The following VIT variants were observed in gnomAD, a reference collection of about 807,000 sequenced individuals.
VIT encodes the protein vitrin.
In VIT, 99 loss-of-function variants were observed where a neutral mutation model predicts 78.0. The ratio of observed to expected loss-of-function variants is 1.27; its 90% CI spans 1.08 to 1.50. The LOEUF (loss-of-function observed/expected upper bound fraction) is 1.50. VIT is among the 40% of genes most tolerant of loss of function. The pLI is 0.00. For missense variants in VIT, 1,126 were observed against 875.3 expected (o/e 1.29, Z -3.61); for synonymous variants, 374 against 334.3 (o/e 1.12, Z -1.29).
At chr2:36,765,031 C>T (rs934573299) in intron 6 of VIT, among the ~76,000 whole-genome samples, 1 of 151,966 alleles carries the variant, frequency 6.6e-6, no homozygotes, top group African/African-American at 2.4e-5. Flanking sequence ...TGAAAAACAC[C>T]CTGGAAAAGA....
In VIT at chr2:36,814,322, G is replaced by T. The variant is rs1667412034; in HGVS notation, c.2043G>T (p.Gln681His). ...NLHQYVPRII[Q>H]NICTEFNSQP... The stretch of plus-strand genomic sequence containing the variant: ...ATCAGTATGTCCCCAGGATCATCCA[G>T]AACATTTGTACAGAGTTCAACTCAC... Residue 681 changes from glutamine (Q) to histidine (H), a missense_variant, in exon 16 of 16, where the codon CAG (glutamine) becomes CAT (histidine). Gln to His is a conservative substitution (Grantham distance 24, BLOSUM62 0). Transcript: ENST00000379242. 7 of 1,614,106 alleles carry T rather than the reference G, an allele frequency of 4.3e-6. No individual in the cohort carries two copies. Among genetic ancestry groups the T allele is most frequent in the Non-Finnish European group, 5.9e-6 (7 of 1,180,058 alleles).
At chr2:36,772,100 T>C (rs1187219881) in intron 7 of VIT, among the ~76,000 whole-genome samples, 1 of 152,158 alleles carries the variant, frequency 6.6e-6, no homozygotes, top group Non-Finnish European at 1.5e-5. Flanking sequence ...TCTGCATAAT[T>C]AAACAGAAAA....
At chr2:36,710,725 T>C (rs1665750915) in intron 1 of VIT, among the ~76,000 whole-genome samples, 2 of 152,260 alleles carry the variant, frequency 1.3e-5, no homozygotes, top group African/African-American at 4.8e-5. Context: ...TATTGTTTTA[T>C]GTATCAATCG....
At chr2:36,807,026 C>T (rs1340714161) in intron 14 of VIT, among the ~76,000 whole-genome samples, 1 of 152,184 alleles carries the variant, frequency 6.6e-6, no homozygotes, top group Non-Finnish European at 1.5e-5. Flanking sequence ...TGACCACACA[C>T]CCATCCCAGA....
At chr2:36,786,901 T>A (rs1665134375) in intron 11 of VIT, among the ~76,000 whole-genome samples, 1 of 152,180 alleles carries the variant, frequency 6.6e-6, no homozygotes, top group Non-Finnish European at 1.5e-5. Context: ...GGCAGATACA[T>A]AGAGTTTTAA....
rs971602400 is a variant in VIT at position 36,756,125 on chromosome 2, T to C, written c.409+1071T>C. Among the ~76,000 whole-genome samples, 10 of 151,984 alleles carry C rather than the reference T, an allele frequency of 6.6e-5. No homozygotes were observed. The East Asian group carries it at 1.9e-3, about 29-fold the overall frequency. ...GGCATGTGCCACCATGCCCGGCTAA[T>C]TTTTGTATTTTTAGTGCAGACGGGG... On this transcript the variant is annotated intron_variant, in intron 5 of 15. Transcript: ENST00000379242.
At chr2:36,696,998 G>C (rs902915210) in intron 1 of VIT, 25 bp downstream of exon 1, 2 of 152,146 alleles carry the variant, frequency 1.3e-5, no homozygotes, top group African/African-American at 4.8e-5. Context: ...TTTCTAAGCT[G>C]TGTATATAGT....
chr2:36,726,977 A>C (rs1455876819), intron 2 of VIT, among the ~76,000 whole-genome samples: 1 of 152,082 alleles, frequency 6.6e-6, no homozygotes, highest in Non-Finnish European at 1.5e-5. Context: ...CAGACTTTAA[A>C]TTAGAAAGGA....
Position 36,781,847 on chromosome 2 carries a change from C to G in VIT, c.847+76C>G. On this transcript the variant is annotated intron_variant, in intron 10 of 15. Transcript: ENST00000379242. ...ATAGCAGAACTAAGAGTCTAATAAT[C>G]CAGCTGGCATAGCGGCCGAGCTCCA... The G allele has an allele frequency of 2.6e-6, 4 of 1,567,254 alleles. No homozygotes were observed. The East Asian group carries it at 9.0e-5, about 35-fold the overall frequency.
At chr2:36,802,267 C>A (rs964488695) in intron 13 of VIT, among the ~76,000 whole-genome samples, 4 of 152,118 alleles carry the variant, frequency 2.6e-5, no homozygotes, top group Admixed American at 1.3e-4. Context: ...AGAGCCCATG[C>A]CAGTGTATTC....
chr2:36,699,942 T>C, intron 1 of VIT, among the ~76,000 whole-genome samples: 1 of 152,210 alleles, frequency 6.6e-6, no homozygotes, highest in Non-Finnish European at 1.5e-5. Context: ...TTTTCTCATC[T>C]ATAAAATGGG....
intron 14 of VIT, among the ~76,000 whole-genome samples, chr2:36,806,115 T>C (rs17019854): frequency 0.06 from 9,064 of 152,168 alleles, 664 homozygotes; most frequent in East Asian, 0.17. Flanking sequence ...AGATCGCGTT[T>C]TCAGATGCTC....
At chr2:36,751,716 G>A (rs535162883) in intron 4 of VIT, among the ~76,000 whole-genome samples, 44 of 152,310 alleles carry the variant, frequency 2.9e-4, no homozygotes, top group African/African-American at 9.4e-4. Flanking sequence ...GGGCAGAAGA[G>A]AAGAGCTTGA....
At chr2:36,699,230 A>G (rs1197830332) in intron 1 of VIT, among the ~76,000 whole-genome samples, 7 of 152,056 alleles carry the variant, frequency 4.6e-5, no homozygotes, top group Admixed American at 4.6e-4. Context: ...CAATGTCTCC[A>G]TCTCTATTTC....
chr2:36,788,716 A>C (rs1013141692), intron 12 of VIT, among the ~76,000 whole-genome samples: 10 of 152,230 alleles, frequency 6.6e-5, no homozygotes, highest in Non-Finnish European at 1.5e-4. Context: ...TACGCGTTTT[A>C]ATGCCAAATG....
chr2:36,776,410 T>A (rs1342414023), intron 9 of VIT, among the ~76,000 whole-genome samples: 1 of 151,826 alleles, frequency 6.6e-6, no homozygotes, highest in Non-Finnish European at 1.5e-5. Flanking sequence ...CATTTGCCAC[T>A]CTTCTCACTG....
chr2:36,787,106 TAG>T (rs1388894126), intron 11 of VIT, 21 bp from the exon 12 acceptor site: 2 of 1,613,798 alleles, frequency 1.2e-6, no homozygotes, highest in African/African-American at 1.3e-5. Flanking sequence ...ATGAGAATAA[TAG>T]AGTCTTTTTC....
chr2:36,773,962 T>G (rs867079733), intron 8 of VIT, 115 bp downstream of exon 8: 1 of 1,068,368 alleles, frequency 9.4e-7, no homozygotes, highest in Middle Eastern at 2.3e-4. Context: ...ATTAAACCAC[T>G]TAGGCCAACA....
intron 9 of VIT, among the ~76,000 whole-genome samples, chr2:36,776,956 G>T (rs1413482375): frequency 1.3e-5 from 2 of 150,074 alleles, no homozygotes; most frequent in South Asian, 2.1e-4. Context: ...AGGCGTGGTG[G>T]CGGGCGCCTG....
Sources: gnomAD v4.1 joint callset for allele counts (sites outside exome capture counted in the v4.1 genomes callset) on GRCh38, gnomAD v4.1.1 for gene constraint, MANE v1.5 for transcripts, NCBI Gene and HGNC (gene_info 2026-07-23, HGNC 2026-07-21) for gene names.